The following CTNNA3 variants were observed in gnomAD, a reference collection of about 807,000 sequenced individuals.
CTNNA3 encodes the protein catenin alpha 3.
A neutral mutation model predicts 95.7 loss-of-function variants in CTNNA3; 76 were observed. The observed-to-expected ratio is 0.79, with a 90% CI of 0.66 to 0.96. The LOEUF (loss-of-function observed/expected upper bound fraction) is 0.96, where lower values mean the gene tolerates loss of function less well. Ranked by LOEUF, CTNNA3 falls within the 40% of genes least tolerant of loss-of-function variation. The pLI is 0.00. For synonymous variants in CTNNA3, 431 were observed against 374.4 expected, an observed-to-expected ratio of 1.15 and a Z score of -1.74; for missense variants, 1,191 against 1,089.8, an observed-to-expected ratio of 1.09 and a Z score of -1.31.
intron 7 of CTNNA3, among the ~76,000 whole-genome samples, chr10:66,982,668 AAG>A (rs1218756624): frequency 6.6e-5 from 10 of 152,242 alleles, no homozygotes; most frequent in African/African-American, 2.4e-4. Flanking sequence ...AATAGAATAA[AAG>A]AGATCAATGA....
chr10:66,689,523 C>G (rs376047707), intron 9 of CTNNA3, among the ~76,000 whole-genome samples: 4 of 152,182 alleles, frequency 2.6e-5, no homozygotes, highest in African/African-American at 9.6e-5. Context: ...TTGCTATTAA[C>G]ATGAACAAAA....
intron 9 of CTNNA3, among the ~76,000 whole-genome samples, chr10:66,714,788 A>T (rs1848401818): frequency 6.6e-6 from 1 of 152,120 alleles, no homozygotes; most frequent in African/African-American, 2.4e-5. Context: ...TAAAATTTGA[A>T]AACCAAGGTT....
intron 13 of CTNNA3, among the ~76,000 whole-genome samples, chr10:66,130,507 C>T (rs1239559390): frequency 2.7e-5 from 4 of 150,800 alleles, no homozygotes; most frequent in Non-Finnish European, 4.4e-5. Flanking sequence ...CAAGCAAACA[C>T]GATCAGAAAC....
chr10:66,188,050 A>G (rs992133325), intron 13 of CTNNA3, among the ~76,000 whole-genome samples: 2 of 152,190 alleles, frequency 1.3e-5, no homozygotes, highest in African/African-American at 4.8e-5. Context: ...ATAGAAAATC[A>G]CCAACTAGAA....
At chr10:67,542,398 G>T (rs1840709956) in intron 3 of CTNNA3, among the ~76,000 whole-genome samples, 1 of 152,084 alleles carries the variant, frequency 6.6e-6, no homozygotes, top group Non-Finnish European at 1.5e-5. Context: ...TGCAAGAGCT[G>T]CATTGGCCCT....
chr10:66,094,486 CAAGTT>C (rs1336939110), intron 14 of CTNNA3, among the ~76,000 whole-genome samples: 2 of 152,016 alleles, frequency 1.3e-5, no homozygotes, highest in Non-Finnish European at 2.9e-5. Context: ...TGGCAGGAGA[CAAGTT>C]AGGAACATGC....
chr10:66,026,863 T>C (rs149321369), intron 15 of CTNNA3, among the ~76,000 whole-genome samples: 238 of 152,280 alleles, frequency 1.6e-3, no homozygotes, highest in African/African-American at 5.6e-3. Context: ...TAAATACTAC[T>C]GTATGAAAAT....
chr10:66,000,870 G>C (rs984812245), intron 15 of CTNNA3, among the ~76,000 whole-genome samples: 1 of 152,090 alleles, frequency 6.6e-6, no homozygotes, highest in Non-Finnish European at 1.5e-5. Flanking sequence ...ATTGGAGATG[G>C]GATTTGAACT....
rs1214316882 is a variant in CTNNA3, at chr10:66,100,366, T to C, written c.1977+2791A>G. Among the ~76,000 whole-genome samples, 4 of 152,302 alleles carry C rather than the reference T, an allele frequency of 2.6e-5. No homozygotes were observed. The East Asian group carries it at 7.7e-4, about 29-fold the overall frequency. ...CAGTTATCAGAGGGATTCCACATAG[T>C]AGTTGCTAGGGAGCCCCAATGCAGG... On this transcript the variant is annotated intron_variant, in intron 14 of 17. Coordinates refer to ENST00000433211, the MANE Select transcript of CTNNA3 (RefSeq NM_013266.4).
chr10:67,129,216 G>T (rs1363096426), intron 7 of CTNNA3, among the ~76,000 whole-genome samples: 1 of 152,194 alleles, frequency 6.6e-6, no homozygotes, highest in African/African-American at 2.4e-5. Flanking sequence ...AAAATTTTCA[G>T]ATTTTTTCAG....
chr10:66,651,552 G>A (rs1409162038), intron 9 of CTNNA3, among the ~76,000 whole-genome samples: 2 of 152,108 alleles, frequency 1.3e-5, no homozygotes, highest in African/African-American at 2.4e-5. Context: ...TGCGTGGGGA[G>A]GGGGGTTGGG....
At chr10:66,307,015 C>T (rs1265418245) in intron 12 of CTNNA3, among the ~76,000 whole-genome samples, 1 of 152,088 alleles carries the variant, frequency 6.6e-6, no homozygotes, top group Non-Finnish European at 1.5e-5. Flanking sequence ...TCAGGCACAA[C>T]GGCAAGCATT....
intron 12 of CTNNA3, among the ~76,000 whole-genome samples, chr10:66,359,663 C>T (rs1297007348): frequency 1.3e-5 from 2 of 151,960 alleles, no homozygotes; most frequent in Middle Eastern, 3.2e-3. Flanking sequence ...ATCTGTCATC[C>T]CCCCCAAACA....
At chr10:66,333,885 G>C (rs9663308) in intron 12 of CTNNA3, among the ~76,000 whole-genome samples, 1 of 151,520 alleles carries the variant, frequency 6.6e-6, no homozygotes, top group East Asian at 1.9e-4. Flanking sequence ...TAGGTCTCTA[G>C]GGACTTGCTT....
intron 7 of CTNNA3, among the ~76,000 whole-genome samples, chr10:66,987,144 G>T (rs1242879300): frequency 1.3e-5 from 2 of 152,168 alleles, no homozygotes; most frequent in African/African-American, 2.4e-5. Context: ...AGCCACGTGC[G>T]TAGGTTTTGA....
chr10:66,528,610 A>G (rs1841352696), intron 10 of CTNNA3, among the ~76,000 whole-genome samples: 1 of 152,148 alleles, frequency 6.6e-6, no homozygotes, highest in African/African-American at 2.4e-5. Context: ...GGGGAAGTTG[A>G]GTTGAGGATA....
At chr10:67,298,577 G>T (rs566153090) in intron 5 of CTNNA3, among the ~76,000 whole-genome samples, 1 of 152,274 alleles carries the variant, frequency 6.6e-6, no homozygotes, top group African/African-American at 2.4e-5. Context: ...TAGTATATTT[G>T]ATGTTCTATT....
At position 66,445,400 on chromosome 10, in the gene CTNNA3, C is replaced by A. The variant is rs1159969783; in HGVS notation, c.1532-66048G>T. ...TTTCAGCACCACACCACACCTATTC[C>A]AAAATTGACCACATAGTTGGAAGTA... On this transcript the variant is annotated intron_variant, in intron 11 of 17. Coordinates refer to ENST00000433211, the MANE Select transcript of CTNNA3 (RefSeq NM_013266.4). Among the ~76,000 whole-genome samples the A allele has an allele frequency of 2.0e-5, 3 of 151,844 alleles. No individual in the cohort carries two copies. In the East Asian group the frequency reaches 5.8e-4, roughly 29 times the overall value.
At chr10:66,797,926 C>T (rs1259509064) in intron 7 of CTNNA3, among the ~76,000 whole-genome samples, 1 of 151,840 alleles carries the variant, frequency 6.6e-6, no homozygotes, top group African/African-American at 2.4e-5. Context: ...TGTCAATAAA[C>T]CAGGGACTAA....
Sources: allele counts gnomAD v4.1 joint callset (sites outside exome capture counted in the v4.1 genomes callset), GRCh38; gene constraint gnomAD v4.1.1; transcripts MANE v1.5; gene names NCBI Gene and HGNC (gene_info 2026-07-23, HGNC 2026-07-21).